CDH9: variants seen among roughly 807,000 people sequenced by gnomAD.
The protein encoded by CDH9 is cadherin 9, also known as cadherin-9.
Under a neutral mutation model 70.9 loss-of-function variants are expected in CDH9, and 28 were observed. The observed-to-expected ratio is 0.40, with a 90% CI of 0.29 to 0.54. CDH9 has a LOEUF of 0.54. Ranked by LOEUF, CDH9 falls within the 20% of genes least tolerant of loss-of-function variation. CDH9 has a pLI of 0.59. For missense variants in CDH9, 874 were observed against 984.4 expected (o/e 0.89, Z 1.50); for synonymous variants, 409 against 343.1 (o/e 1.19, Z -2.12).
At chr5:26,956,328 G>A (rs1741946716) in intron 2 of CDH9, among the ~76,000 whole-genome samples, 1 of 152,112 alleles carries the variant, frequency 6.6e-6, no homozygotes, top group Admixed American at 6.5e-5. Context: ...GGAACTTTGA[G>A]TCCATTAAAC....
intron 5 of CDH9, among the ~76,000 whole-genome samples, chr5:26,904,273 G>T (rs1229425765): frequency 6.6e-6 from 1 of 151,304 alleles, no homozygotes; most frequent in African/African-American, 2.4e-5. Context: ...ACAGACCAAT[G>T]TTTCTTTTTT....
At chr5:27,004,226 G>T (rs1742821030) in intron 1 of CDH9, among the ~76,000 whole-genome samples, 2 of 151,938 alleles carry the variant, frequency 1.3e-5, no homozygotes, top group Admixed American at 1.3e-4. Flanking sequence ...TTCCAGAGAA[G>T]AGGCCCAGCA....
chr5:26,967,198 C>A (rs1742144774), intron 2 of CDH9, among the ~76,000 whole-genome samples: 1 of 152,150 alleles, frequency 6.6e-6, no homozygotes, highest in Non-Finnish European at 1.5e-5. Context: ...AGGTGATCCT[C>A]CTGCCTATAC....
chr5:26,931,092 A>T (rs1442895122), intron 2 of CDH9, among the ~76,000 whole-genome samples: 1 of 152,136 alleles, frequency 6.6e-6, no homozygotes, highest in Non-Finnish European at 1.5e-5. Context: ...ACCACGACAA[A>T]CCTGGACAAA....
intron 8 of CDH9, 105 bp downstream of exon 8, chr5:26,890,323 C>T: frequency 1.2e-6 from 1 of 853,116 alleles, no homozygotes; most frequent in Middle Eastern, 2.4e-4. Context: ...TAAGATCTTG[C>T]TAAGGATACA....
intron 2 of CDH9, among the ~76,000 whole-genome samples, chr5:26,986,949 G>T (rs1415535108): frequency 1.3e-5 from 2 of 151,956 alleles, no homozygotes; most frequent in Non-Finnish European, 2.9e-5. Flanking sequence ...AAAATAATAG[G>T]CTTCTGATAA....
At chr5:26,882,928 C>A (rs572880761) in intron 11 of CDH9, among the ~76,000 whole-genome samples, 1 of 150,950 alleles carries the variant, frequency 6.6e-6, no homozygotes, top group African/African-American at 2.4e-5. Flanking sequence ...GGCCAGCAGA[C>A]TTTTCTCAGC....
At chr5:26,939,926 G>A (rs1409319014) in intron 2 of CDH9, among the ~76,000 whole-genome samples, 1 of 152,064 alleles carries the variant, frequency 6.6e-6, no homozygotes, top group Non-Finnish European at 1.5e-5. Flanking sequence ...GAGGCGACTG[G>A]ATCACTTGAG....
At chr5:26,965,641 C>G in intron 2 of CDH9, among the ~76,000 whole-genome samples, 1 of 150,770 alleles carries the variant, frequency 6.6e-6, no homozygotes, top group South Asian at 2.1e-4. Flanking sequence ...CATTTATGAG[C>G]TTTATGAACA....
At chr5:27,029,365 TATA>T (rs1312263507) in intron 1 of CDH9, among the ~76,000 whole-genome samples, 2 of 151,892 alleles carry the variant, frequency 1.3e-5, no homozygotes, top group Non-Finnish European at 2.9e-5. Flanking sequence ...GAAGAGAAAA[TATA>T]GTAGGCTAAA....
chr5:26,924,681 A>C (rs181618053), intron 2 of CDH9, among the ~76,000 whole-genome samples: 1 of 151,968 alleles, frequency 6.6e-6, no homozygotes, highest in East Asian at 1.9e-4. Flanking sequence ...TGTTTCTCTT[A>C]ATGCTATCTA....
intron 1 of CDH9, among the ~76,000 whole-genome samples, chr5:27,022,474 G>C (rs903237008): frequency 3.9e-5 from 6 of 151,984 alleles, no homozygotes; most frequent in Non-Finnish European, 7.4e-5. Context: ...ATAGCACAAT[G>C]TTATAGTTGC....
chr5:26,882,335 AG>A (rs749318702), intron 11 of CDH9, among the ~76,000 whole-genome samples: 4 of 152,032 alleles, frequency 2.6e-5, no homozygotes, highest in Non-Finnish European at 5.9e-5. Context: ...TTGACATACA[AG>A]GTCCGATTTA....
chr5:26,894,915 G>A (rs987741062), intron 7 of CDH9, among the ~76,000 whole-genome samples: 2 of 151,882 alleles, frequency 1.3e-5, no homozygotes, highest in Admixed American at 1.3e-4. Context: ...GAGCACAAGG[G>A]CTCTCTTCCC....
At chr5:26,983,036 C>T (rs1186489999) in intron 2 of CDH9, among the ~76,000 whole-genome samples, 1 of 151,908 alleles carries the variant, frequency 6.6e-6, no homozygotes, top group African/African-American at 2.4e-5. Flanking sequence ...ATAATTCTAG[C>T]TAGGGAAAAT....
At chr5:26,983,068 TG>T (rs1742428280) in intron 2 of CDH9, among the ~76,000 whole-genome samples, 1 of 152,066 alleles carries the variant, frequency 6.6e-6, no homozygotes, top group Non-Finnish European at 1.5e-5. Flanking sequence ...TATGTAAGAT[TG>T]TGCACAGAAG....
Position 26,907,355 on chromosome 5 carries a change from T to C in CDH9, c.524-517A>G, listed in dbSNP as rs1740966884. ...AATGCTGTAAAATTGACCTGCAAGATATTTTTTGTTCCCAAGATATACCTA... is the reference window on the plus strand; with the variant it reads ...AATGCTGTAAAATTGACCTGCAAGACATTTTTTGTTCCCAAGATATACCTA... On this transcript the variant is annotated intron_variant, in intron 3 of 11. Coordinates refer to ENST00000231021, the MANE Select transcript of CDH9 (RefSeq NM_016279.4). 4.6e-5 allele frequency among the ~76,000 whole-genome samples: 7 copies of C among 152,250 alleles called. No individual in the cohort carries two copies. In the South Asian group the frequency reaches 1.2e-3, roughly 27 times the overall value.
At chr5:27,004,803 A>C (rs1397253099) in intron 1 of CDH9, among the ~76,000 whole-genome samples, 1 of 152,140 alleles carries the variant, frequency 6.6e-6, no homozygotes, top group African/African-American at 2.4e-5. Flanking sequence ...TGCATTTAAC[A>C]TCCAAGTGGA....
chr5:26,956,058 C>T (rs926453427), intron 2 of CDH9, among the ~76,000 whole-genome samples: 1 of 152,106 alleles, frequency 6.6e-6, no homozygotes, highest in African/African-American at 2.4e-5. Flanking sequence ...AGTTTCTGCC[C>T]TTGTTGAGGG....
Sources: gnomAD v4.1 joint callset for allele counts (sites outside exome capture counted in the v4.1 genomes callset) on GRCh38, gnomAD v4.1.1 for gene constraint, MANE v1.5 for transcripts, NCBI Gene and HGNC (gene_info 2026-07-23, HGNC 2026-07-21) for gene names.